The following TMCO5A variants were observed in gnomAD, a reference collection of about 807,000 sequenced individuals.
TMCO5A encodes transmembrane and coiled-coil domains 5A.
TMCO5A carries 34 observed loss-of-function variants against 42.3 expected under a neutral mutation model. The observed-to-expected ratio is 0.80, with a 90% CI of 0.61 to 1.07. The LOEUF (loss-of-function observed/expected upper bound fraction) is 1.07, where lower values mean the gene tolerates loss of function less well. Ranked by LOEUF, TMCO5A falls within the 50% of genes least tolerant of loss-of-function variation. The pLI, the probability that TMCO5A is intolerant of heterozygous loss-of-function variation, is 0.00. For missense variants in TMCO5A, 357 were observed against 327.9 expected, an observed-to-expected ratio of 1.09 and a Z score of -0.69; for synonymous variants, 131 against 115.6, an observed-to-expected ratio of 1.13 and a Z score of -0.86.
At chr15:38,014,856 TATATATATATATATATATATA>T in the TMCO5A span, among the ~76,000 whole-genome samples, 1 of 44,384 alleles carries the variant, frequency 2.3e-5, no homozygotes, top group African/African-American at 9.7e-5. Context: ...AGAAAGATTA[TATATATATATATATATATATA>T]TATATATATA....
intron 11 of TMCO5A, among the ~76,000 whole-genome samples, chr15:37,959,378 C>G (rs1890367292): frequency 1.3e-5 from 2 of 151,746 alleles, no homozygotes. Context: ...ACCCTGACAC[C>G]AAAACCAGAC....
chr15:37,943,447 A>G, intron 10 of TMCO5A, 49 bp downstream of exon 10: 3 of 1,590,068 alleles, frequency 1.9e-6, no homozygotes, highest in Non-Finnish European at 2.6e-6. Context: ...ATTGCCTTTC[A>G]AAGCCATCTC....
chr15:38,036,302 A>G, the TMCO5A span, among the ~76,000 whole-genome samples: 2 of 152,258 alleles, frequency 1.3e-5, no homozygotes, highest in Non-Finnish European at 2.9e-5. Context: ...TGCTAGTCTC[A>G]TCTATACACT....
intron 11 of TMCO5A, among the ~76,000 whole-genome samples, chr15:37,960,405 T>C (rs1437111897): frequency 1.3e-5 from 2 of 152,138 alleles, no homozygotes; most frequent in African/African-American, 2.4e-5. Context: ...CATATAAATA[T>C]ACCACAATTT....
the TMCO5A span, among the ~76,000 whole-genome samples, chr15:37,987,149 ATAAT>A: frequency 1.3e-5 from 2 of 151,994 alleles, no homozygotes; most frequent in Non-Finnish European, 2.9e-5. Flanking sequence ...CACTTTTCTA[ATAAT>A]TAGTGATGTT....
intron 7 of TMCO5A, 147 bp from the exon 8 acceptor site, chr15:37,941,524 A>G (rs1889739322): frequency 1.4e-6 from 1 of 692,832 alleles, no homozygotes; most frequent in Admixed American, 2.8e-5. Flanking sequence ...AAAAGGAAAT[A>G]CATTTATCTG....
rs113721659 is a variant in TMCO5A at position 37,939,672 on chromosome 15, C to G, written c.387+1443C>G. Among the ~76,000 whole-genome samples the G allele has an allele frequency of 6.4e-3, 979 of 152,096 alleles. 13 individuals carry two copies. The highest frequency in any genetic ancestry group is 0.034 in the Middle Eastern group (10 of 294). On this transcript the variant is annotated intron_variant, in intron 6 of 11. Transcript: ENST00000319669. Reference sequence around the variant, plus strand: ...GTTTAATCCTTTGAACCACTCTTTGCCCACCTATTTTAATGAATTATCAGG... The same window carrying G: ...GTTTAATCCTTTGAACCACTCTTTGGCCACCTATTTTAATGAATTATCAGG...
chr15:38,009,138 C>G, the TMCO5A span, among the ~76,000 whole-genome samples: 1 of 152,192 alleles, frequency 6.6e-6, no homozygotes, highest in African/African-American at 2.4e-5. Context: ...TGAACAGATC[C>G]TAATCTGGAA....
chr15:37,983,953 G>A, the TMCO5A span, among the ~76,000 whole-genome samples: 4 of 152,100 alleles, frequency 2.6e-5, no homozygotes, highest in Admixed American at 1.3e-4. Context: ...GGCTGGTCTC[G>A]AACTCCTGAC....
the TMCO5A span, among the ~76,000 whole-genome samples, chr15:38,010,245 C>T: frequency 6.6e-6 from 1 of 151,556 alleles, no homozygotes; most frequent in Non-Finnish European, 1.5e-5. Context: ...GCGTATTGGC[C>T]GGCGCGTGTA....
At chr15:37,959,131 G>C (rs1239333274) in intron 11 of TMCO5A, among the ~76,000 whole-genome samples, 2 of 152,056 alleles carry the variant, frequency 1.3e-5, no homozygotes, top group South Asian at 2.1e-4. Flanking sequence ...TGGGGGGTTA[G>C]GGGAGGGATA....
At chr15:37,939,655 C>T (rs1428071726) in intron 6 of TMCO5A, among the ~76,000 whole-genome samples, 2 of 151,998 alleles carry the variant, frequency 1.3e-5, no homozygotes. Context: ...TTGTTTAATC[C>T]TTTGAACCAC....
the TMCO5A span, among the ~76,000 whole-genome samples, chr15:38,000,821 T>C: frequency 6.6e-6 from 1 of 152,144 alleles, no homozygotes; most frequent in Admixed American, 6.5e-5. Flanking sequence ...CCAACATTCC[T>C]CTTGTTATTG....
At chr15:37,937,795 G>A (rs2140257653) in intron 5 of TMCO5A, among the ~76,000 whole-genome samples, 1 of 152,138 alleles carries the variant, frequency 6.6e-6, no homozygotes, top group East Asian at 1.9e-4. Flanking sequence ...TTCTTGTCTA[G>A]CCATTTCCAA....
Position 37,936,306 on chromosome 15 carries a change from G to T in TMCO5A, c.-10-8G>T, listed in dbSNP as rs1389897295. 6.2e-7 allele frequency: 1 copy of T among 1,605,048 alleles called. No homozygotes were observed. The highest frequency in any genetic ancestry group is 1.3e-5 in the African/African-American group (1 of 74,418). ...GGCCCTTGTTCATTTTGGGGGCTGA[G>T]TCTATAGGTCGGAGAAAATGGAAAT... On this transcript the variant is annotated splice_polypyrimidine_tract_variant and splice_region_variant and intron_variant, in intron 2 of 11. Coordinates refer to ENST00000319669, the MANE Select transcript of TMCO5A (RefSeq NM_152453.4).
the TMCO5A span, among the ~76,000 whole-genome samples, chr15:38,033,539 G>C: frequency 2.0e-5 from 3 of 150,774 alleles, no homozygotes; most frequent in Non-Finnish European, 4.4e-5. Context: ...GCTTCAAAAA[G>C]GCACTATATT....
intron 10 of TMCO5A, among the ~76,000 whole-genome samples, chr15:37,945,019 C>T (rs1482423328): frequency 6.6e-6 from 1 of 152,078 alleles, no homozygotes; most frequent in African/African-American, 2.4e-5. Context: ...AATGCTCTCC[C>T]TCCCACTACC....
chr15:37,989,602 A>T, the TMCO5A span, among the ~76,000 whole-genome samples: 1 of 151,882 alleles, frequency 6.6e-6, no homozygotes, highest in Non-Finnish European at 1.5e-5. Context: ...GAATTTTCCA[A>T]TTTTCTCTCT....
intron 11 of TMCO5A, among the ~76,000 whole-genome samples, chr15:37,965,145 CAAG>C (rs1890526630): frequency 1.3e-5 from 2 of 152,152 alleles, no homozygotes; most frequent in African/African-American, 4.8e-5. Flanking sequence ...ACAAAAGTGC[CAAG>C]AACAAACACG....
Sources: gnomAD v4.1 joint callset for allele counts (sites outside exome capture counted in the v4.1 genomes callset) on GRCh38, gnomAD v4.1.1 for gene constraint, MANE v1.5 for transcripts, NCBI Gene and HGNC (gene_info 2026-07-23, HGNC 2026-07-21) for gene names.